Variants in DMRT1 observed in about 807,000 individuals in gnomAD.
DMRT1 encodes the protein doublesex and mab-3 related transcription factor 1.
DMRT1 carries 7 observed loss-of-function variants against 32.3 expected under a neutral mutation model. The observed-to-expected ratio is 0.22, with a 90% CI of 0.12 to 0.41. The LOEUF is 0.41. Among genes scored for constraint, DMRT1 ranks in the 10% least tolerant of loss-of-function variants. The pLI is 1.00. For missense variants in DMRT1, 625 were observed against 500.5 expected (o/e 1.25, Z -2.37); for synonymous variants, 278 against 206.1 (o/e 1.35, Z -2.99).
rs1163672844 is a variant in DMRT1, at chr9:965,381, G to T, written c.968-2604G>T. On this transcript the variant is annotated intron_variant, in intron 4 of 4. Coordinates refer to ENST00000382276, the MANE Select transcript of DMRT1 (RefSeq NM_021951.3). The surrounding 1 kb of genome is among the most constrained non-coding windows in gnomAD (Gnocchi z 4.5). ...GGGTGAGTTTTACATTTTCTCTAGA[G>T]TGCAGTCATGCATTAAAAGTATGCT... is the stretch of plus-strand genomic sequence containing the variant. 6.6e-6 allele frequency among the ~76,000 whole-genome samples: 1 copy of T among 152,232 alleles called. No individual in the cohort carries two copies. The highest frequency in any genetic ancestry group is 1.5e-5 in the Non-Finnish European group (1 of 68,036).
intron 4 of DMRT1, among the ~76,000 whole-genome samples, chr9:936,673 G>A (rs1436140037): frequency 6.7e-6 from 1 of 150,312 alleles, no homozygotes; most frequent in Non-Finnish European, 1.5e-5. Flanking sequence ...AGAATCGCTT[G>A]AACCTGGGAG....
intron 2 of DMRT1, among the ~76,000 whole-genome samples, chr9:890,085 GT>G (rs35228255): frequency 0.014 from 1,410 of 102,966 alleles, 3 homozygotes; most frequent in African/African-American, 0.05. Flanking sequence ...CACCAAACGT[GT>G]TTTTTTTTTT....
intron 2 of DMRT1, among the ~76,000 whole-genome samples, chr9:850,690 T>G (rs2132551083): frequency 6.6e-6 from 1 of 152,324 alleles, no homozygotes; most frequent in South Asian, 2.1e-4. Flanking sequence ...GCTTTTTTCA[T>G]TTACTACAGC....
intron 4 of DMRT1, among the ~76,000 whole-genome samples, chr9:928,103 C>G (rs780311552): frequency 2.6e-5 from 4 of 151,970 alleles, no homozygotes; most frequent in Non-Finnish European, 5.9e-5. Flanking sequence ...ATGCTGCTTC[C>G]AAGAGATTGA....
At chr9:882,090 G>A (rs1321411446) in intron 2 of DMRT1, among the ~76,000 whole-genome samples, 1 of 152,196 alleles carries the variant, frequency 6.6e-6, no homozygotes, top group African/African-American at 2.4e-5. Context: ...GAATTCTGAG[G>A]CACAGGCAGA....
Position 911,479 on chromosome 9 carries a change from T to TTTTTG in DMRT1, c.823-5280_823-5279insGTTTT, listed in dbSNP as rs1372998814. On this transcript the variant is annotated intron_variant, in intron 3 of 4. Coordinates refer to ENST00000382276, the MANE Select transcript of DMRT1 (RefSeq NM_021951.3). ...TTTCTGGGTTAATTGCATTTTTTTT[T>TTTTTG]TTTTTTTTTTTTTTTTTTTTTTTTT... Among the ~76,000 whole-genome samples the TTTTTG allele has an allele frequency of 1.1e-3, 53 of 49,658 alleles. 3 individuals carry two copies. The highest frequency in any genetic ancestry group is 7.6e-3 in the African/African-American group (49 of 6,426). The allele number at this position is 49,658 out of a possible 152,430, so 32.6% of individuals were successfully genotyped here.
intron 4 of DMRT1, among the ~76,000 whole-genome samples, chr9:956,146 A>G (rs1819593432): frequency 6.6e-6 from 1 of 152,250 alleles, no homozygotes; most frequent in Admixed American, 6.5e-5. Flanking sequence ...TGAGAACGTT[A>G]TGCTAAGTAA....
intron 2 of DMRT1, among the ~76,000 whole-genome samples, chr9:859,017 C>T (rs1010756166): frequency 3.3e-5 from 5 of 151,990 alleles, no homozygotes; most frequent in Admixed American, 6.6e-5. Context: ...ACCCATTAAA[C>T]GATTATTTCC....
At chr9:934,210 A>T (rs901952992) in intron 4 of DMRT1, among the ~76,000 whole-genome samples, 5 of 152,188 alleles carry the variant, frequency 3.3e-5, no homozygotes, top group African/African-American at 4.8e-5. Context: ...ATCCCTTATC[A>T]GATAGAAGAT....
chr9:937,972 T>TA (rs1347770849), intron 4 of DMRT1, among the ~76,000 whole-genome samples: 3 of 152,308 alleles, frequency 2.0e-5, no homozygotes, highest in Admixed American at 2.0e-4. Flanking sequence ...GTTTTATAGT[T>TA]ATAGTTTTAG....
chr9:960,252 G>A (rs959141783), intron 4 of DMRT1, among the ~76,000 whole-genome samples: 1 of 152,226 alleles, frequency 6.6e-6, no homozygotes, highest in Non-Finnish European at 1.5e-5. Flanking sequence ...CTTTTGGTGT[G>A]TAAAGAGGGA....
At chr9:941,349 C>T (rs1819065672) in intron 4 of DMRT1, among the ~76,000 whole-genome samples, 1 of 128,034 alleles carries the variant, frequency 7.8e-6, no homozygotes, top group Admixed American at 8.8e-5. Flanking sequence ...CACACATATG[C>T]AATGGAATAT....
intron 4 of DMRT1, among the ~76,000 whole-genome samples, chr9:929,008 T>G (rs1333641861): frequency 6.6e-6 from 1 of 152,064 alleles, no homozygotes; most frequent in Non-Finnish European, 1.5e-5. Flanking sequence ...TGGCTAATTT[T>G]TTGTATTTTT....
At chr9:875,942 G>C (rs1055571771) in intron 2 of DMRT1, among the ~76,000 whole-genome samples, 2 of 152,166 alleles carry the variant, frequency 1.3e-5, no homozygotes, top group Non-Finnish European at 2.9e-5. Flanking sequence ...GCCAAAAAGA[G>C]GTGCCACATG....
At chr9:879,776 A>G (rs1054954153) in intron 2 of DMRT1, among the ~76,000 whole-genome samples, 31 of 152,106 alleles carry the variant, frequency 2.0e-4, no homozygotes, top group Non-Finnish European at 4.0e-4. Context: ...ATGGCCATAG[A>G]CTCTCTTATA....
chr9:907,101 C>G (rs954537655), intron 3 of DMRT1, among the ~76,000 whole-genome samples: 1 of 152,160 alleles, frequency 6.6e-6, no homozygotes, highest in East Asian at 1.9e-4. Context: ...ATCAGTACAA[C>G]CCCCATCCGT....
At chr9:934,560 A>G (rs1409334540) in intron 4 of DMRT1, among the ~76,000 whole-genome samples, 1 of 152,232 alleles carries the variant, frequency 6.6e-6, no homozygotes, top group Non-Finnish European at 1.5e-5. Context: ...AATTTTAAAA[A>G]GAGAAGTCAT....
intron 3 of DMRT1, among the ~76,000 whole-genome samples, chr9:907,829 ATG>A (rs3084903): frequency 0.024 from 3,623 of 149,502 alleles, 124 homozygotes; most frequent in African/African-American, 0.077. Context: ...TAAAATATAT[ATG>A]TGTGTGTGTG....
chr9:894,264 C>G (rs1451634557), intron 3 of DMRT1, 69 bp downstream of exon 3: 1 of 1,503,538 alleles, frequency 6.7e-7, no homozygotes, highest in Non-Finnish European at 9.2e-7. Flanking sequence ...CACACATGCA[C>G]ATACACACAG....
Sources: gnomAD v4.1 joint callset for allele counts (sites outside exome capture counted in the v4.1 genomes callset) on GRCh38, gnomAD v4.1.1 for gene constraint, Gnocchi (gnomAD v3.1) non-coding constraint, MANE v1.5 for transcripts, NCBI Gene and HGNC (gene_info 2026-07-23, HGNC 2026-07-21) for gene names.